Variants in HCRTR2 observed in about 807,000 individuals in gnomAD.
The protein encoded by HCRTR2 is orexin receptor type 2.
Under a neutral mutation model 49.0 loss-of-function variants are expected in HCRTR2, and 22 were observed. The ratio of observed to expected loss-of-function variants is 0.45; its 90% CI spans 0.32 to 0.64. The LOEUF (loss-of-function observed/expected upper bound fraction) is 0.64, where lower values mean the gene tolerates loss of function less well. Among genes scored for constraint, HCRTR2 ranks in the 30% least tolerant of loss-of-function variants. HCRTR2 has a pLI of 0.04. For synonymous variants in HCRTR2, 236 were observed against 205.3 expected (o/e 1.15, Z -1.28); for missense variants, 491 against 559.4 (o/e 0.88, Z 1.23).
At position 55,194,682 on chromosome 6, in the gene HCRTR2, G is replaced by A. The variant is rs184637440; in HGVS notation, c.223+19872G>A. Among the ~76,000 whole-genome samples the A allele has an allele frequency of 5.4e-3, 822 of 152,108 alleles. 1 individual carries two copies. The highest frequency in any genetic ancestry group is 6.5e-3 in the Non-Finnish European group (444 of 67,932). On this transcript the variant is annotated intron_variant, in intron 1 of 6. Transcript: ENST00000370862. ...GGAAAAATTTTGAGATTTACTTTGG[G>A]AGGTTCTATTGTGTTCTGTTCAGCT...
intron 1 of HCRTR2, among the ~76,000 whole-genome samples, chr6:55,229,543 T>A (rs2127299333): frequency 6.6e-6 from 1 of 152,318 alleles, no homozygotes; most frequent in Admixed American, 6.5e-5. Flanking sequence ...CAATGGAATA[T>A]TATTCAGCCT....
chr6:55,143,122 A>G (rs1346782738), intron 1 of HCRTR2, among the ~76,000 whole-genome samples: 1 of 150,090 alleles, frequency 6.7e-6, no homozygotes, highest in Non-Finnish European at 1.5e-5. Flanking sequence ...GACCATTCAA[A>G]TATTTTTTAA....
chr6:55,146,769 TA>T, intron 1 of HCRTR2, among the ~76,000 whole-genome samples: 1 of 152,176 alleles, frequency 6.6e-6, no homozygotes, highest in East Asian at 1.9e-4. Flanking sequence ...ATCTTGCTAA[TA>T]ATATAGTCTC....
Position 55,174,604 on chromosome 6 carries a change from T to G in HCRTR2, c.17T>G (p.Leu6Trp). 1.9e-6 allele frequency: 3 copies of G among 1,613,858 alleles called. No homozygotes were observed. Among genetic ancestry groups the G allele is most frequent in the Non-Finnish European group, 2.5e-6 (3 of 1,179,930 alleles). Residue 6 changes from leucine to tryptophan, a missense_variant, in exon 1 of 7, where the codon TTG becomes TGG. Leu to Trp is a moderately conservative substitution (Grantham distance 61). Transcript: ENST00000370862. ...GAGCCCGTGATGTCCGGCACCAAAT[T>G]GGAGGACTCCCCCCCTTGTCGCAAC... MSGTKLEDSPPCRNWS... is the reference protein window; with the variant it reads MSGTKWEDSPPCRNWS...
intron 3 of HCRTR2, among the ~76,000 whole-genome samples, chr6:55,258,458 T>A (rs1183870515): frequency 1.3e-5 from 2 of 152,044 alleles, no homozygotes; most frequent in Non-Finnish European, 2.9e-5. Flanking sequence ...AACTAAAAAA[T>A]TTACCAGCAA....
intron 1 of HCRTR2, among the ~76,000 whole-genome samples, chr6:55,143,121 A>G (rs1232461897): frequency 1.1e-5 from 1 of 94,630 alleles, no homozygotes; most frequent in African/African-American, 4.7e-5. Context: ...TGACCATTCA[A>G]ATATTTTTTA....
At chr6:55,198,244 ATC>A (rs938295612) in intron 1 of HCRTR2, among the ~76,000 whole-genome samples, 2 of 152,150 alleles carry the variant, frequency 1.3e-5, no homozygotes, top group Non-Finnish European at 2.9e-5. Context: ...TTTAATGCTA[ATC>A]ATTAAGTCTC....
intron 1 of HCRTR2, among the ~76,000 whole-genome samples, chr6:55,224,399 C>T (rs957912022): frequency 7.9e-5 from 12 of 151,926 alleles, no homozygotes; most frequent in Admixed American, 2.6e-4. Context: ...GGGCAGATCA[C>T]GAGATCAGGA....
At chr6:55,127,897 AT>A (rs1443779135) in intron 1 of HCRTR2, among the ~76,000 whole-genome samples, 1 of 152,004 alleles carries the variant, frequency 6.6e-6, no homozygotes, top group African/African-American at 2.4e-5. Context: ...TTGGTAGTTT[AT>A]TTTGCTGTGC....
At chr6:55,165,094 C>T (rs1281302512) in intron 1 of HCRTR2, among the ~76,000 whole-genome samples, 2 of 152,052 alleles carry the variant, frequency 1.3e-5, no homozygotes, top group Non-Finnish European at 2.9e-5. Context: ...AATTTGAAAA[C>T]ACTCTATTTG....
intron 1 of HCRTR2, among the ~76,000 whole-genome samples, chr6:55,155,607 A>G (rs573012817): frequency 1.1e-4 from 17 of 152,124 alleles, no homozygotes; most frequent in African/African-American, 3.9e-4. Flanking sequence ...ACTTCTCTGA[A>G]TTCCCAAGGC....
rs1158724252 is a variant in HCRTR2, at chr6:55,269,087, CAAAA to C, written c.762+5281_762+5284del. Among the ~76,000 whole-genome samples, 5 of 55,754 alleles carry C rather than the reference CAAAA, an allele frequency of 9.0e-5. No homozygotes were observed. The Admixed American group carries it at 1.0e-3, about 11-fold the overall frequency. 36.6% of individuals were successfully genotyped at this position (55,754 alleles called of 152,430 possible). A position where few individuals can be genotyped will look rare whatever the true frequency, so the allele number is the denominator to read the frequency against. ...CCTGGGCAACAGCAAGACTCCGTCT[CAAAA>C]AAAAAAAAAAAAAAAGAAATAAAGA... is the stretch of plus-strand genomic sequence containing the variant. On this transcript the variant is annotated intron_variant, in intron 4 of 6. Transcript: ENST00000370862.
At chr6:55,152,606 G>C (rs1419450142) in intron 1 of HCRTR2, among the ~76,000 whole-genome samples, 2 of 151,958 alleles carry the variant, frequency 1.3e-5, no homozygotes. Flanking sequence ...AGAAGTTTGA[G>C]ATTAGGATGC....
At position 55,111,370 on chromosome 6, in the gene HCRTR2, A is replaced by G. The variant is rs1355792097; in HGVS notation, c.-378+4825A>G. On this transcript the variant is annotated intron_variant, in intron 1 of 7. Transcript: ENST00000615358. ...ACAAAAAACATAAGATAAATGAAAC[A>G]AAAAGCTGTTTCTTTGAAAAGATAA... Among the ~76,000 whole-genome samples, 3 of 152,108 alleles carry G rather than the reference A, an allele frequency of 2.0e-5. No individual in the cohort carries two copies. In the East Asian group the frequency reaches 5.8e-4, roughly 29 times the overall value.
chr6:55,255,473 T>C, intron 3 of HCRTR2, 94 bp downstream of exon 3: 1 of 1,430,946 alleles, frequency 7.0e-7, no homozygotes. Flanking sequence ...GGCTTATATA[T>C]TTTATTGACA....
chr6:55,261,664 T>C (rs980548930), intron 3 of HCRTR2, among the ~76,000 whole-genome samples: 1 of 152,144 alleles, frequency 6.6e-6, no homozygotes, highest in Non-Finnish European at 1.5e-5. Context: ...GGGAACACTT[T>C]TACACTGCTG....
chr6:55,186,150 T>C (rs1361514343), intron 1 of HCRTR2, among the ~76,000 whole-genome samples: 1 of 152,224 alleles, frequency 6.6e-6, no homozygotes, highest in Non-Finnish European at 1.5e-5. Context: ...AGTTTCATTT[T>C]TTTTCCTGTT....
chr6:55,197,265 A>G (rs1487662062), intron 1 of HCRTR2, among the ~76,000 whole-genome samples: 1 of 151,912 alleles, frequency 6.6e-6, no homozygotes, highest in Non-Finnish European at 1.5e-5. Context: ...CTCAAATCTA[A>G]CTCTGATTCC....
chr6:55,195,680 C>G (rs1765395972), intron 1 of HCRTR2, among the ~76,000 whole-genome samples: 1 of 151,886 alleles, frequency 6.6e-6, no homozygotes, highest in Non-Finnish European at 1.5e-5. Context: ...TATATAAAAA[C>G]AGTATTCATG....
Sources: gnomAD v4.1 joint callset for allele counts (sites outside exome capture counted in the v4.1 genomes callset) on GRCh38, gnomAD v4.1.1 for gene constraint, MANE v1.5 for transcripts, NCBI Gene and HGNC (gene_info 2026-07-23, HGNC 2026-07-21) for gene names.